The following MAX variants were observed in gnomAD, a reference collection of about 807,000 sequenced individuals.
MAX encodes protein max.
In MAX, 3 loss-of-function variants were observed where a neutral mutation model predicts 22.3. The ratio of observed to expected loss-of-function variants is 0.13; its 90% CI spans 0.06 to 0.35. MAX has a LOEUF of 0.35. MAX is among the 10% of genes least tolerant of loss of function. MAX has a pLI of 1.00. For synonymous variants in MAX, 72 were observed against 77.7 expected, an observed-to-expected ratio of 0.93 and a Z score of 0.39; for missense variants, 119 against 209.4, an observed-to-expected ratio of 0.57 and a Z score of 2.66.
At chr14:65,101,949 C>G (rs2063856946) in intron 1 of MAX, among the ~76,000 whole-genome samples, 1 of 152,198 alleles carries the variant, frequency 6.6e-6, no homozygotes, top group Admixed American at 6.5e-5. Context: ...AGGTCCTGAA[C>G]GCCGTCCCCT....
chr14:65,018,259 G>A (rs2061817837), intron 3 of MAX, among the ~76,000 whole-genome samples: 1 of 152,140 alleles, frequency 6.6e-6, no homozygotes. Flanking sequence ...GAGTTCAGGG[G>A]TTTGAGGCTG....
rs1263951495 is a variant in MAX, at chr14:65,023,711, G to C, written c.172-17427C>G. ...GAATTTAAATTGCCTCATGTGGCTA[G>C]TGGCTGCCTATTGGACAGCACAGAT... On this transcript the variant is annotated intron_variant, in intron 3 of 3. Transcript: ENST00000341653. This position sits in a 1 kb window ranked among gnomAD's most constrained non-coding sequence, Gnocchi z 4.1. 6.6e-6 allele frequency among the ~76,000 whole-genome samples: 1 copy of C among 152,206 alleles called. No homozygotes were observed. Among genetic ancestry groups the C allele is most frequent in the Non-Finnish European group, 1.5e-5 (1 of 68,038 alleles).
chr14:65,044,539 T>TA lies in MAX; in HGVS notation c.172-38256_172-38255insT. 1 of 1,516,722 alleles carries TA rather than the reference T, an allele frequency of 6.6e-7. No individual in the cohort carries two copies. Among genetic ancestry groups the TA allele is most frequent in the Non-Finnish European group, 8.8e-7 (1 of 1,137,162 alleles). 94.0% of individuals were successfully genotyped at this position (1,516,722 alleles called of 1,614,324 possible). A position where few individuals can be genotyped will look rare whatever the true frequency, so the allele number is the denominator to read the frequency against. ...GCGTGCTTTTTTAGAGGGGTTGAAA[T>TA]GAGCTCTGTCTATCCTGGATTTTGA... is the stretch of plus-strand genomic sequence containing the variant. On this transcript the variant is annotated intron_variant, in intron 3 of 3. Transcript: ENST00000341653. This position sits in a 1 kb window ranked among gnomAD's most constrained non-coding sequence, Gnocchi z 5.5.
At chr14:65,057,468 T>C (rs2062762094) in intron 3 of MAX, among the ~76,000 whole-genome samples, 1 of 152,168 alleles carries the variant, frequency 6.6e-6, no homozygotes, top group Admixed American at 6.5e-5. Context: ...TTTGAAGTGG[T>C]CAAATCTATT....
At chr14:65,096,085 A>C (rs2063664193) in intron 2 of MAX, among the ~76,000 whole-genome samples, 1 of 152,180 alleles carries the variant, frequency 6.6e-6, no homozygotes, top group Non-Finnish European at 1.5e-5. Context: ...TCATCTGGGG[A>C]GCCAGCCAAG....
At chr14:65,016,187 T>C (rs150344314) in intron 3 of MAX, among the ~76,000 whole-genome samples, 2 of 152,262 alleles carry the variant, frequency 1.3e-5, no homozygotes, top group Non-Finnish European at 2.9e-5. Flanking sequence ...ACTGGATGTG[T>C]TACTGGTGTG....
In MAX at chr14:65,078,418, G is replaced by A. The variant is rs191044997; in HGVS notation, c.172-382C>T. On this transcript the variant is annotated intron_variant, in intron 3 of 4. Coordinates refer to ENST00000358664, the MANE Select transcript of MAX (RefSeq NM_002382.5). This position sits in a 1 kb window ranked among gnomAD's most constrained non-coding sequence, Gnocchi z 6.4. ...GCGGTTTCACCATGTTAGCCAGGCT[G>A]GTCTCAAACTCCTGGCCTCAGGTGA... 7.5e-3 allele frequency among the ~76,000 whole-genome samples: 1,146 copies of A among 152,168 alleles called. 10 individuals carry two copies. Among genetic ancestry groups the A allele is most frequent in the Non-Finnish European group, 0.011 (770 of 68,006 alleles).
Position 65,029,258 on chromosome 14 carries a change from C to T in MAX, c.172-22974G>A, listed in dbSNP as rs1440327262. 1.3e-5 allele frequency among the ~76,000 whole-genome samples: 2 copies of T among 152,168 alleles called. No individual in the cohort carries two copies. Among genetic ancestry groups the T allele is most frequent in the Non-Finnish European group, 2.9e-5 (2 of 68,022 alleles). ...CTTGCTTTGCCTGGTTTCTAGTACC[C>T]CGATTCCATCATTTTTCACTTGGCA... On this transcript the variant is annotated intron_variant, in intron 3 of 3. Transcript: ENST00000341653. The surrounding 1 kb of genome is among the most constrained non-coding windows in gnomAD (Gnocchi z 4.7).
intron 3 of MAX, among the ~76,000 whole-genome samples, chr14:65,050,558 T>A (rs917364869): frequency 6.6e-6 from 1 of 152,166 alleles, no homozygotes; most frequent in Non-Finnish European, 1.5e-5. Context: ...ACCACTGCAC[T>A]CCAGCCTGGG....
chr14:65,073,676 G>A (rs1188779039), downstream of MAX, among the ~76,000 whole-genome samples: 1 of 152,182 alleles, frequency 6.6e-6, no homozygotes, highest in Non-Finnish European at 1.5e-5. Context: ...GGTATCCTGA[G>A]GGAATACTCA....
At chr14:65,046,706 G>T (rs1566571682) in intron 3 of MAX, among the ~76,000 whole-genome samples, 1 of 152,150 alleles carries the variant, frequency 6.6e-6, no homozygotes, top group Non-Finnish European at 1.5e-5. Context: ...GACTTTGGGA[G>T]TCAAAAGGGG....
Position 65,102,425 on chromosome 14 carries a change from G to A in MAX, c.-86C>T, listed in dbSNP as rs971390711. On this transcript the variant is annotated 5_prime_UTR_variant, in exon 1 of 5. Coordinates refer to ENST00000358664, the MANE Select transcript of MAX (RefSeq NM_002382.5). ...AGGGGGAAGTCACCGACAACAACAA[G>A]CCGAGTCCCCCCCACACACACACTC... 3.6e-5 allele frequency: 57 copies of A among 1,562,536 alleles called. No homozygotes were observed. The Admixed American group carries it at 1.1e-3, about 30-fold the overall frequency.
chr14:65,027,845 T>C lies in MAX; in HGVS notation c.172-21561A>G. The C allele has an allele frequency of 6.2e-7, 1 of 1,603,616 alleles. No individual in the cohort carries two copies. Among genetic ancestry groups the C allele is most frequent in the Non-Finnish European group, 8.5e-7 (1 of 1,173,128 alleles). ...TCTAGAGCTCATCTGCCATTAGAGA[T>C]GCCAAGCCTAAGGAACATCATGGGG... On this transcript the variant is annotated intron_variant, in intron 3 of 3. Coordinates refer to the MAX transcript ENST00000341653. The surrounding 1 kb of genome is among the most constrained non-coding windows in gnomAD (Gnocchi z 5.7).
chr14:65,055,274 C>G (rs2062706942), intron 3 of MAX, among the ~76,000 whole-genome samples: 1 of 152,228 alleles, frequency 6.6e-6, no homozygotes, highest in Admixed American at 6.5e-5. Flanking sequence ...CTGAGGACAA[C>G]CTGGAGGTGC....
In MAX at chr14:65,031,375, T is replaced by C. The variant is rs965918504; in HGVS notation, c.172-25091A>G. Reference sequence around the variant, plus strand: ...CTCTGTTGCCCAAGCTGGAATGCAGTGGCATGATCTTGGCTCACTGCAACC... The same window carrying C: ...CTCTGTTGCCCAAGCTGGAATGCAGCGGCATGATCTTGGCTCACTGCAACC... On this transcript the variant is annotated intron_variant, in intron 3 of 3. Transcript: ENST00000341653. This position sits in a 1 kb window ranked among gnomAD's most constrained non-coding sequence, Gnocchi z 4.6. Among the ~76,000 whole-genome samples the C allele has an allele frequency of 5.3e-5, 8 of 151,768 alleles. No homozygotes were observed. Among genetic ancestry groups the C allele is most frequent in the Non-Finnish European group, 1.0e-4 (7 of 67,924 alleles).
Position 65,012,294 on chromosome 14 carries a change from T to C in MAX, c.172-6010A>G. ...GGAAGCATAAGCTATTAGAATGGGC[T>C]TATAAACTGTTTGTCTTTCCAGGCT... On this transcript the variant is annotated intron_variant, in intron 3 of 3. Transcript: ENST00000341653. The surrounding 1 kb of genome is among the most constrained non-coding windows in gnomAD (Gnocchi z 5.0). The C allele has an allele frequency of 6.2e-7, 1 of 1,613,940 alleles. No individual in the cohort carries two copies. The highest frequency in any genetic ancestry group is 8.5e-7 in the Non-Finnish European group (1 of 1,179,850).
At position 65,075,808 on chromosome 14, in the gene MAX, C is replaced by G; in HGVS notation, c.*668G>C. 9.4e-7 allele frequency: 1 copy of G among 1,066,520 alleles called. No individual in the cohort carries two copies. Among genetic ancestry groups the G allele is most frequent in the African/African-American group, 1.6e-5 (1 of 61,194 alleles). The allele number at this position is 1,066,520 out of a possible 1,614,324, so 66.1% of individuals were successfully genotyped here. Reference sequence around the variant, plus strand: ...GTCACACGGCCCTCCGTGAGGCTGGCGCCGCAGGCTTAAACAGCTGGCTGA... The same window carrying G: ...GTCACACGGCCCTCCGTGAGGCTGGGGCCGCAGGCTTAAACAGCTGGCTGA... On this transcript the variant is annotated 3_prime_UTR_variant, in exon 5 of 5. Transcript: ENST00000358664. The surrounding 1 kb of genome is among the most constrained non-coding windows in gnomAD (Gnocchi z 4.1).
exon 4 of MAX, chr14:65,006,268 A>G: frequency 6.2e-7 from 1 of 1,612,376 alleles, no homozygotes; most frequent in South Asian, 1.1e-5. Context: ...TGGGAGGGTT[A>G]ACTTCATCTT....
At chr14:65,083,215 T>C (rs1322304835) in intron 3 of MAX, among the ~76,000 whole-genome samples, 1 of 152,166 alleles carries the variant, frequency 6.6e-6, no homozygotes, top group Non-Finnish European at 1.5e-5. Context: ...AGACCTCTGC[T>C]TTTGAACAGC....
Sources: gnomAD v4.1 joint callset for allele counts (sites outside exome capture counted in the v4.1 genomes callset) on GRCh38, gnomAD v4.1.1 for gene constraint, Gnocchi (gnomAD v3.1) non-coding constraint, MANE v1.5 for transcripts, NCBI Gene and HGNC (gene_info 2026-07-23, HGNC 2026-07-21) for gene names.